Variants in OPRM1 observed in about 807,000 individuals in gnomAD.
OPRM1 encodes mu-type opioid receptor.
Under a neutral mutation model 31.8 loss-of-function variants are expected in OPRM1, and 27 were observed. The ratio of observed to expected loss-of-function variants is 0.85; its 90% CI spans 0.63 to 1.17. OPRM1 has a LOEUF of 1.17. Ranked by LOEUF, OPRM1 falls within the 50% of genes most tolerant of loss-of-function variation. The pLI is 0.00. For missense variants in OPRM1, 536 were observed against 511.1 expected (o/e 1.05, Z -0.47); for synonymous variants, 196 against 189.9 (o/e 1.03, Z -0.26).
chr6:154,039,600 AC>A lies in OPRM1; in HGVS notation c.57del (p.Ser20GlnfsTer18). 1 of 1,613,974 alleles carries A rather than the reference AC, an allele frequency of 6.2e-7. No individual in the cohort carries two copies. Among genetic ancestry groups the A allele is most frequent in the Non-Finnish European group, 8.5e-7 (1 of 1,179,910 alleles). Reference protein sequence around the residue: ...NASNCTDALAYSSCSPAPSPG... With the variant: ...NASNCTDALAXSSCSPAPSPG... The stretch of plus-strand genomic sequence containing the variant: ...AGCAATTGCACTGATGCCTTGGCGT[AC>A]TCAAGTTGCTCCCCAGCACCCAGCC... On this transcript the variant is annotated frameshift_variant, in exon 1 of 4. Coordinates refer to ENST00000330432, the MANE Select transcript of OPRM1 (RefSeq NM_000914.5). LOFTEE classifies it high-confidence loss of function.
At chr6:154,105,336 A>G (rs1795421225) in intron 3 of OPRM1, among the ~76,000 whole-genome samples, 1 of 152,240 alleles carries the variant, frequency 6.6e-6, no homozygotes, top group African/African-American at 2.4e-5. Flanking sequence ...AGGATCAGCA[A>G]TGTTCTAAGC....
intron 3 of OPRM1, among the ~76,000 whole-genome samples, chr6:154,224,391 T>G (rs1353379777): frequency 6.6e-6 from 1 of 152,152 alleles, no homozygotes; most frequent in Non-Finnish European, 1.5e-5. Context: ...ATTATTCACC[T>G]GAAATGCCTT....
At chr6:154,187,334 C>T (rs1201410805) in intron 3 of OPRM1, among the ~76,000 whole-genome samples, 4 of 152,168 alleles carry the variant, frequency 2.6e-5, no homozygotes, top group Non-Finnish European at 4.4e-5. Context: ...ATCTATCATA[C>T]GTGCTGTTTC....
intron 3 of OPRM1, among the ~76,000 whole-genome samples, chr6:154,189,440 T>C (rs760579471): frequency 1.3e-5 from 2 of 152,098 alleles, no homozygotes; most frequent in Admixed American, 6.6e-5. Flanking sequence ...AGAATTTTCA[T>C]TAAGAGCATT....
intron 1 of OPRM1, among the ~76,000 whole-genome samples, chr6:154,032,418 G>A (rs1238006612): frequency 6.6e-6 from 1 of 152,098 alleles, no homozygotes; most frequent in Non-Finnish European, 1.5e-5. Context: ...AATAAATGGG[G>A]CATAAGAATT....
intron 3 of OPRM1, among the ~76,000 whole-genome samples, chr6:154,246,127 G>A (rs1348630979): frequency 6.6e-6 from 1 of 152,146 alleles, no homozygotes; most frequent in Non-Finnish European, 1.5e-5. Context: ...GAAAGAAGGG[G>A]AAGAAGAAAG....
intron 3 of OPRM1, among the ~76,000 whole-genome samples, chr6:154,245,115 G>A (rs1384288428): frequency 6.6e-6 from 1 of 152,126 alleles, no homozygotes; most frequent in Non-Finnish European, 1.5e-5. Context: ...ACAGACCCAG[G>A]TTGCCTCAAT....
At chr6:154,099,292 GAAGGAAGGAAGGAAGA>G (rs59735612) in intron 3 of OPRM1, among the ~76,000 whole-genome samples, 2,495 of 75,770 alleles carry the variant, frequency 0.033, 51 homozygotes, top group African/African-American at 0.084. Flanking sequence ...CGAAAGGAAG[GAAGGAAGGAAGGAAGA>G]AAGGAAGGAA....
At chr6:154,117,858 G>GGTGTGTGTGTGTGTGTGTGTGTGT (rs60794328) in intron 3 of OPRM1, among the ~76,000 whole-genome samples, 2 of 145,562 alleles carry the variant, frequency 1.4e-5, no homozygotes, top group African/African-American at 5.1e-5. Flanking sequence ...TTAAAAAGAT[G>GGTGTGTGTGTGTGTGTGTGTGTGT]GTGTGTGTGT....
chr6:154,045,456 C>G (rs1780932407), intron 1 of OPRM1, among the ~76,000 whole-genome samples: 1 of 152,116 alleles, frequency 6.6e-6, no homozygotes, highest in Admixed American at 6.5e-5. Context: ...AACAACTGTC[C>G]AGATGTAACC....
At chr6:154,143,547 C>A (rs1798276099) in intron 3 of OPRM1, among the ~76,000 whole-genome samples, 1 of 152,196 alleles carries the variant, frequency 6.6e-6, no homozygotes, top group African/African-American at 2.4e-5. Flanking sequence ...CTTGCATAAA[C>A]TACTGGGAAA....
In OPRM1 at chr6:154,129,575, A is replaced by G. The variant is rs1386242394; in HGVS notation, c.*10854A>G. On this transcript the variant is annotated 3_prime_UTR_variant, in exon 4 of 4. Transcript: ENST00000330432. ...CCACTGTTACAGAAAATCATAATGGAAAAACTAAAATGTCAATAATAATTT... is the reference window on the plus strand; with the variant it reads ...CCACTGTTACAGAAAATCATAATGGGAAAACTAAAATGTCAATAATAATTT... Among the ~76,000 whole-genome samples the G allele has an allele frequency of 6.6e-6, 1 of 152,256 alleles. No individual in the cohort carries two copies. Among genetic ancestry groups the G allele is most frequent in the African/African-American group, 2.4e-5 (1 of 41,468 alleles).
intron 1 of OPRM1, among the ~76,000 whole-genome samples, chr6:154,017,875 T>A (rs4870263): frequency 0.12 from 18,730 of 151,962 alleles, 1,245 homozygotes; most frequent in Non-Finnish European, 0.15. Flanking sequence ...ACTGTGCTGT[T>A]TCCTTTTCAT....
chr6:154,180,407 TATATATA>T lies in OPRM1; in HGVS notation c.1165-66285_1165-66279del, dbSNP rs1162053819. ...ACAACTATATATATATATATATATA[TATATATA>T]TTTTTTTTTTAAACATGATCCTTCT... On this transcript the variant is annotated intron_variant, in intron 3 of 3. Coordinates refer to the OPRM1 transcript ENST00000337049. Among the ~76,000 whole-genome samples the T allele has an allele frequency of 1.2e-3, 47 of 40,188 alleles. 1 individual carries two copies. Among genetic ancestry groups the T allele is most frequent in the African/African-American group, 3.8e-3 (46 of 11,988 alleles). The allele number at this position is 40,188 out of a possible 152,430, so 26.4% of individuals were successfully genotyped here. A position where few individuals can be genotyped will look rare whatever the true frequency, so the allele number is the denominator to read the frequency against.
intron 3 of OPRM1, among the ~76,000 whole-genome samples, chr6:154,104,405 A>G (rs1288661982): frequency 1.3e-5 from 2 of 152,242 alleles, no homozygotes; most frequent in African/African-American, 4.8e-5. Context: ...CATAAACTGG[A>G]CAACTGTTGG....
chr6:154,134,821 A>C (rs554433025), downstream of OPRM1, among the ~76,000 whole-genome samples: 1 of 152,044 alleles, frequency 6.6e-6, no homozygotes, highest in African/African-American at 2.4e-5. Flanking sequence ...GTCCTAAAAA[A>C]CCACTATTTG....
intron 3 of OPRM1, chr6:154,223,222 C>A (rs765725199): frequency 6.2e-7 from 1 of 1,613,434 alleles, no homozygotes; most frequent in African/African-American, 1.3e-5. Context: ...GGCAGGTTGA[C>A]AAATCCATCA....
At chr6:154,197,673 G>T (rs576189447) in intron 3 of OPRM1, among the ~76,000 whole-genome samples, 2 of 152,306 alleles carry the variant, frequency 1.3e-5, no homozygotes, top group East Asian at 3.9e-4. Context: ...TCCTGGAATG[G>T]CATTTAGCCA....
At chr6:154,208,124 T>C (rs1777653545) in intron 3 of OPRM1, among the ~76,000 whole-genome samples, 2 of 152,186 alleles carry the variant, frequency 1.3e-5, no homozygotes, top group Admixed American at 1.3e-4. Context: ...ATCCCTCCTC[T>C]GCTCAAACCT....
Sources: gnomAD v4.1 joint callset for allele counts (sites outside exome capture counted in the v4.1 genomes callset) on GRCh38, gnomAD v4.1.1 for gene constraint, MANE v1.5 for transcripts, NCBI Gene and HGNC (gene_info 2026-07-23, HGNC 2026-07-21) for gene names.